MDGA1: variants seen among roughly 807,000 people sequenced by gnomAD.
MDGA1 encodes MAM domain containing glycosylphosphatidylinositol anchor 1, also known as MAM domain-containing glycosylphosphatidylinositol anchor protein 1.
Under a neutral mutation model 101.5 loss-of-function variants are expected in MDGA1, and 54 were observed. That is an observed-to-expected ratio of 0.53 (90% CI 0.43 to 0.67). The LOEUF (loss-of-function observed/expected upper bound fraction) is 0.67, where lower values mean the gene tolerates loss of function less well. Among genes scored for constraint, MDGA1 ranks in the 30% least tolerant of loss-of-function variants. MDGA1 has a pLI of 0.00. For missense variants in MDGA1, 1,083 were observed against 1,323.8 expected, an observed-to-expected ratio of 0.82 and a Z score of 2.82; for synonymous variants, 533 against 558.3, an observed-to-expected ratio of 0.95 and a Z score of 0.64.
intron 1 of MDGA1, among the ~76,000 whole-genome samples, chr6:37,675,678 T>G (rs1205681132): frequency 6.6e-6 from 1 of 152,144 alleles, no homozygotes; most frequent in African/African-American, 2.4e-5. Flanking sequence ...GAATGACTCC[T>G]AGGATCCCAA....
At chr6:37,670,442 C>T (rs1331997856) in intron 1 of MDGA1, among the ~76,000 whole-genome samples, 12 of 152,196 alleles carry the variant, frequency 7.9e-5, no homozygotes, top group East Asian at 1.9e-4. Flanking sequence ...AGCCCTTCCC[C>T]GAGCATCCCC....
intron 1 of MDGA1, among the ~76,000 whole-genome samples, chr6:37,691,442 A>T (rs1267765883): frequency 6.6e-6 from 1 of 152,182 alleles, no homozygotes; most frequent in African/African-American, 2.4e-5. Context: ...CTTATAAGGG[A>T]TTGTTGTTCT....
At chr6:37,675,741 C>T (rs962581141) in intron 1 of MDGA1, among the ~76,000 whole-genome samples, 12 of 152,158 alleles carry the variant, frequency 7.9e-5, no homozygotes, top group African/African-American at 2.9e-4. Context: ...CAGGGTTACT[C>T]ATTGTTACTC....
chr6:37,692,150 C>A (rs1004439806), intron 1 of MDGA1, among the ~76,000 whole-genome samples: 3 of 152,124 alleles, frequency 2.0e-5, no homozygotes, highest in Admixed American at 2.0e-4. Context: ...CCACAGGAGC[C>A]CAGGAAAGGC....
At chr6:37,654,172 G>C (rs1482367367) in intron 6 of MDGA1, 102 bp downstream of exon 6, 1 of 1,341,620 alleles carries the variant, frequency 7.5e-7, no homozygotes, top group Admixed American at 3.1e-5. Context: ...ATCTACCAAG[G>C]AGAAGCAGAC....
chr6:37,643,867 A>G lies in MDGA1; in HGVS notation c.2478T>C (p.Asn826=), dbSNP rs1174119341. 2.5e-6 allele frequency: 4 copies of G among 1,613,826 alleles called. No homozygotes were observed. In the Admixed American group the frequency reaches 5.0e-5, roughly 20 times the overall value. ...DRARLVSPLY[N]ASAKFYCVSF... ...AGACACAGTAGAACTTGGCGCTGGC[A>G]TTGTAGAGGGGACTCACTAACCTTG... Residue 826 remains asparagine, a synonymous_variant, in exon 14 of 17, where the codon AAT becomes AAC. Coordinates refer to ENST00000434837, the MANE Select transcript of MDGA1 (RefSeq NM_153487.4).
chr6:37,647,376 C>A, intron 9 of MDGA1, 52 bp from the exon 10 acceptor site: 4 of 1,169,058 alleles, frequency 3.4e-6, no homozygotes, highest in Middle Eastern at 2.0e-4. Context: ...AGGGGAGACA[C>A]AAAGAGAGGA....
intron 1 of MDGA1, among the ~76,000 whole-genome samples, chr6:37,666,126 T>A (rs147257767): frequency 0.091 from 13,600 of 149,704 alleles, 699 homozygotes; most frequent in Middle Eastern, 0.13. Context: ...GGCGGGTGGA[T>A]CACGAGGTCA....
Position 37,649,093 on chromosome 6 carries a change from G to A in MDGA1, c.1783C>T (p.Pro595Ser), listed in dbSNP as rs1231603252. 2 of 1,525,444 alleles carry A rather than the reference G, an allele frequency of 1.3e-6. No homozygotes were observed. The highest frequency in any genetic ancestry group is 1.8e-6 in the Non-Finnish European group (2 of 1,138,200). 94.5% of individuals were successfully genotyped at this position (1,525,444 alleles called of 1,614,324 possible). A position where few individuals can be genotyped will look rare whatever the true frequency, so the allele number is the denominator to read the frequency against. Residue 595 changes from proline to serine, a missense_variant, in exon 9 of 17, where the codon CCG (proline) becomes TCG (serine). By Grantham distance (74) the Pro-to-Ser change is moderately conservative (BLOSUM62 -1). Transcript: ENST00000434837. Reference protein sequence around the residue: ...PPVVPAAAEAPDHAELRLDAV... With the variant: ...PPVVPAAAEASDHAELRLDAV... The stretch of plus-strand genomic sequence containing the variant: ...TCGAGGCGCAGCTCCGCGTGATCCG[G>A]CGCCTCGGCGGCGGCGGGAACAACA...
chr6:37,684,413 A>G (rs1405569811), intron 1 of MDGA1, among the ~76,000 whole-genome samples: 1 of 152,208 alleles, frequency 6.6e-6, no homozygotes, highest in African/African-American at 2.4e-5. Flanking sequence ...TCTGAGAATA[A>G]GAAATGAGGT....
chr6:37,644,489 G>T lies in MDGA1; in HGVS notation c.2401+8C>A. 1 of 1,555,816 alleles carries T rather than the reference G, an allele frequency of 6.4e-7. No individual in the cohort carries two copies. Reference sequence around the variant, plus strand: ...TCCTCCATTTCTGGCAGCAGGCCAGGTCCTCACCCTCAGGGGTGCCACTTA... The same window carrying T: ...TCCTCCATTTCTGGCAGCAGGCCAGTTCCTCACCCTCAGGGGTGCCACTTA... On this transcript the variant is annotated splice_region_variant and intron_variant, in intron 13 of 16. Transcript: ENST00000434837.
In MDGA1 at chr6:37,691,497, G is replaced by C. The variant is rs79834684; in HGVS notation, c.67+5248C>G. 5.1e-3 allele frequency among the ~76,000 whole-genome samples: 773 copies of C among 152,208 alleles called. 4 individuals are homozygous for C. Among genetic ancestry groups the C allele is most frequent in the African/African-American group, 0.018 (746 of 41,526 alleles). ...AAGGTTCATTCCCCCTCACACAAAA[G>C]GATCCCTGAAAAAACCATGACCAAA... On this transcript the variant is annotated intron_variant, in intron 1 of 16. Coordinates refer to ENST00000434837, the MANE Select transcript of MDGA1 (RefSeq NM_153487.4).
intron 2 of MDGA1, among the ~76,000 whole-genome samples, chr6:37,661,804 G>A (rs1040452958): frequency 2.0e-5 from 3 of 152,114 alleles, no homozygotes; most frequent in African/African-American, 4.8e-5. Flanking sequence ...CTCTGAGCAG[G>A]GGAGTGATAT....
At chr6:37,684,066 A>C (rs894876784) in intron 1 of MDGA1, among the ~76,000 whole-genome samples, 1 of 152,218 alleles carries the variant, frequency 6.6e-6, no homozygotes, top group African/African-American at 2.4e-5. Flanking sequence ...CCTGAATCTC[A>C]TGGCTCAAGA....
rs1359884117 is a variant in MDGA1, at chr6:37,649,219, C to T, written c.1657G>A (p.Gly553Ser). ...GAGCAGCGCAGGAGCACGGGCCGGC[C>T]CAGCGCCTGGCGCACGTCCTGGGAA... ...PSSQDVRQAL[G>S]RPVLLRCSLL... Residue 553 changes from glycine to serine, a missense_variant, in exon 9 of 17, where the codon GGC (glycine) becomes AGC (serine). By Grantham distance (56) the Gly-to-Ser change is moderately conservative. Transcript: ENST00000434837. 19 of 1,509,520 alleles carry T rather than the reference C, an allele frequency of 1.3e-5. No homozygotes were observed. Among genetic ancestry groups the T allele is most frequent in the Non-Finnish European group, 1.6e-5 (18 of 1,136,972 alleles). 93.5% of individuals were successfully genotyped at this position (1,509,520 alleles called of 1,614,324 possible).
intron 1 of MDGA1, among the ~76,000 whole-genome samples, chr6:37,666,374 AG>A (rs1438281132): frequency 4.7e-5 from 7 of 149,950 alleles, no homozygotes; most frequent in Non-Finnish European, 7.4e-5. Flanking sequence ...AAAAAAAAAA[AG>A]AAAAGAAAAA....
chr6:37,679,406 C>A (rs1762047152), intron 1 of MDGA1, among the ~76,000 whole-genome samples: 1 of 152,054 alleles, frequency 6.6e-6, no homozygotes, highest in African/African-American at 2.4e-5. Flanking sequence ...GGGTGGGTGG[C>A]AGTAAAGGGC....
chr6:37,678,942 A>G (rs1762037792), intron 1 of MDGA1, among the ~76,000 whole-genome samples: 1 of 152,154 alleles, frequency 6.6e-6, no homozygotes, highest in South Asian at 2.1e-4. Context: ...TGGGAGCAAA[A>G]GCACATTAAA....
rs1011199398 is a variant in MDGA1 at position 37,638,393 on chromosome 6, TC to T, written c.2668-81del. 7.3e-6 allele frequency: 11 copies of T among 1,500,298 alleles called. No individual in the cohort carries two copies. Among genetic ancestry groups the T allele is most frequent in the Admixed American group, 1.8e-5 (1 of 56,032 alleles). 92.9% of individuals were successfully genotyped at this position (1,500,298 alleles called of 1,614,324 possible). A position where few individuals can be genotyped will look rare whatever the true frequency, so the allele number is the denominator to read the frequency against. On this transcript the variant is annotated intron_variant, in intron 15 of 16. Coordinates refer to ENST00000434837, the MANE Select transcript of MDGA1 (RefSeq NM_153487.4). The surrounding 1 kb of genome is among the most constrained non-coding windows in gnomAD (Gnocchi z 4.8). Reference sequence around the variant, plus strand: ...CAGAGTGCTCCCTCGACCCCACCTTTCCCCTTAATCTACCTGGAAGTTCCCC... The same window carrying T: ...CAGAGTGCTCCCTCGACCCCACCTTTCCCTTAATCTACCTGGAAGTTCCCC...
Sources: gnomAD v4.1 joint callset for allele counts (sites outside exome capture counted in the v4.1 genomes callset) on GRCh38, gnomAD v4.1.1 for gene constraint, Gnocchi (gnomAD v3.1) non-coding constraint, MANE v1.5 for transcripts, NCBI Gene and HGNC (gene_info 2026-07-23, HGNC 2026-07-21) for gene names.